The following TMEM150C variants were observed in gnomAD, a reference collection of about 807,000 sequenced individuals.
The protein encoded by TMEM150C is transmembrane protein 150C.
A neutral mutation model predicts 29.9 loss-of-function variants in TMEM150C; 10 were observed. The observed-to-expected ratio is 0.33, with a 90% confidence interval of 0.21 to 0.57. The LOEUF is 0.57. Among genes scored for constraint, TMEM150C ranks in the 20% least tolerant of loss-of-function variants. The probability of loss-of-function intolerance (pLI) is 0.88; values close to 1 mark genes in which losing one functional copy is unlikely to be tolerated. For synonymous variants in TMEM150C, 101 were observed against 112.5 expected (o/e 0.90, Z 0.64); for missense variants, 251 against 303.6 (o/e 0.83, Z 1.29).
intron 1 of TMEM150C, among the ~76,000 whole-genome samples, chr4:82,557,872 G>A (rs906587966): frequency 6.6e-6 from 1 of 151,814 alleles, no homozygotes; most frequent in Non-Finnish European, 1.5e-5. Context: ...GGGATTACAG[G>A]TACCTGCCAC....
chr4:82,522,907 G>T (rs1435183055), intron 1 of TMEM150C, among the ~76,000 whole-genome samples: 1 of 152,190 alleles, frequency 6.6e-6, no homozygotes, highest in Non-Finnish European at 1.5e-5. Flanking sequence ...GTGGAGAATA[G>T]AAACCCGACA....
chr4:82,497,466 T>C (rs2110066479), intron 5 of TMEM150C, among the ~76,000 whole-genome samples: 1 of 152,294 alleles, frequency 6.6e-6, no homozygotes, highest in South Asian at 2.1e-4. Context: ...ATTTCTCGAG[T>C]ATGTTAAATT....
chr4:82,524,192 C>T (rs963389825), intron 1 of TMEM150C, among the ~76,000 whole-genome samples: 4 of 151,552 alleles, frequency 2.6e-5, no homozygotes, highest in Admixed American at 6.6e-5. Context: ...GGCGTGAACC[C>T]GGGGGGCGGA....
intron 1 of TMEM150C, among the ~76,000 whole-genome samples, chr4:82,516,200 A>T (rs185201142): frequency 6.3e-4 from 96 of 152,302 alleles, no homozygotes; most frequent in African/African-American, 2.3e-3. Context: ...ATGGTAGAAC[A>T]CGAAGACTAA....
chr4:82,547,315 G>A (rs375123057), intron 1 of TMEM150C, among the ~76,000 whole-genome samples: 8 of 150,942 alleles, frequency 5.3e-5, no homozygotes, highest in Non-Finnish European at 8.8e-5. Context: ...TCAGCTGGGC[G>A]CAGTGGCTCA....
At chr4:82,510,543 A>C (rs994312449) in intron 1 of TMEM150C, among the ~76,000 whole-genome samples, 1 of 152,178 alleles carries the variant, frequency 6.6e-6, no homozygotes, top group African/African-American at 2.4e-5. Flanking sequence ...TTTCTTCATC[A>C]GCAAAGTGGA....
In TMEM150C at chr4:82,518,393, C is replaced by T. The variant is rs563136686; in HGVS notation, c.-10-13726G>A. The stretch of plus-strand genomic sequence containing the variant: ...GGCCTCTGGCCAGTGTGCCCCTCAG[C>T]GGCTCTCCAAAGGCTCCAGTGTTGC... On this transcript the variant is annotated intron_variant, in intron 1 of 7. Transcript: ENST00000449862. 4.6e-5 allele frequency among the ~76,000 whole-genome samples: 7 copies of T among 152,198 alleles called. No individual in the cohort carries two copies. The East Asian group carries it at 7.7e-4, about 17-fold the overall frequency.
intron 1 of TMEM150C, among the ~76,000 whole-genome samples, chr4:82,544,236 T>G (rs374347549): frequency 6.6e-6 from 1 of 152,184 alleles, no homozygotes; most frequent in East Asian, 1.9e-4. Context: ...ATACATGTAG[T>G]GTGAGCAGCT....
chr4:82,485,664 G>T lies in TMEM150C; in HGVS notation c.597C>A (p.Gly199=), dbSNP rs1392884138. 1 of 1,609,750 alleles carries T rather than the reference G, an allele frequency of 6.2e-7. No individual in the cohort carries two copies. Among genetic ancestry groups the T allele is most frequent in the African/African-American group, 1.3e-5 (1 of 74,870 alleles). The stretch of plus-strand genomic sequence containing the variant: ...AATAAGACAGGAAGCACATGACCAG[G>T]CCCCACTGGACCCTGGCTGCATACA... The part of the protein sequence containing the change: ...IHMYAARVQW[G]LVMCFLSYFG... The change falls in exon 8 of 8, where the codon GGC becomes GGA. Residue 199 remains glycine, a synonymous_variant. Transcript: ENST00000449862.
Position 82,515,828 on chromosome 4 carries a change from C to T in TMEM150C, c.-10-11161G>A, listed in dbSNP as rs536839967. 5.9e-5 allele frequency among the ~76,000 whole-genome samples: 9 copies of T among 151,910 alleles called. No individual in the cohort carries two copies. In the South Asian group the frequency reaches 1.9e-3, roughly 32 times the overall value. On this transcript the variant is annotated intron_variant, in intron 1 of 7. Transcript: ENST00000449862. Reference sequence around the variant, plus strand: ...ATCCCTAAGGCAAAAACAAACAAACCAAAAAACCAAATCTGTACGGCAGCC... The same window carrying T: ...ATCCCTAAGGCAAAAACAAACAAACTAAAAAACCAAATCTGTACGGCAGCC...
At chr4:82,490,508 T>G (rs139982926) in intron 6 of TMEM150C, among the ~76,000 whole-genome samples, 1,686 of 152,272 alleles carry the variant, frequency 0.011, 16 homozygotes, top group Admixed American at 0.023. Context: ...AAAGAAATGT[T>G]TCTACAAGCA....
At chr4:82,507,229 C>T (rs950911353) in intron 1 of TMEM150C, among the ~76,000 whole-genome samples, 6 of 152,152 alleles carry the variant, frequency 3.9e-5, no homozygotes, top group Admixed American at 3.9e-4. Flanking sequence ...ACTATTGTTA[C>T]AACAGATTGA....
At chr4:82,529,101 G>A (rs1368637170) in intron 1 of TMEM150C, among the ~76,000 whole-genome samples, 1 of 152,024 alleles carries the variant, frequency 6.6e-6, no homozygotes, top group African/African-American at 2.4e-5. Flanking sequence ...GGAAGGCAGG[G>A]GAGGAGAGCA....
chr4:82,497,786 C>A (rs1214035219), intron 5 of TMEM150C, among the ~76,000 whole-genome samples: 1 of 151,934 alleles, frequency 6.6e-6, no homozygotes. Context: ...AATAACAATC[C>A]TAGAGGATGA....
chr4:82,541,879 T>C (rs909708666), intron 1 of TMEM150C, among the ~76,000 whole-genome samples: 2 of 152,200 alleles, frequency 1.3e-5, no homozygotes, highest in African/African-American at 4.8e-5. Flanking sequence ...ATGGTTCCCA[T>C]AATAGTAACA....
chr4:82,552,549 G>A (rs1458464592), intron 1 of TMEM150C, among the ~76,000 whole-genome samples: 1 of 152,136 alleles, frequency 6.6e-6, no homozygotes, highest in African/African-American at 2.4e-5. Context: ...TGCCTGTGAT[G>A]ACCTGGTGGA....
chr4:82,493,293 G>A lies in TMEM150C; in HGVS notation c.363+2775C>T, dbSNP rs529565113. Among the ~76,000 whole-genome samples, 358 of 151,858 alleles carry A rather than the reference G, an allele frequency of 2.4e-3. 3 individuals carry two copies. Among genetic ancestry groups the A allele is most frequent in the African/African-American group, 7.9e-3 (329 of 41,420 alleles). On this transcript the variant is annotated intron_variant, in intron 6 of 7. Transcript: ENST00000449862. ...TATTTTCAAAATTATTTAAAATAAT[G>A]ATATCTGAAATCAAATTTTGCTTCT...
chr4:82,524,226 C>T (rs1202198631), intron 1 of TMEM150C, among the ~76,000 whole-genome samples: 3 of 151,626 alleles, frequency 2.0e-5, no homozygotes, highest in Non-Finnish European at 4.4e-5. Context: ...CGAGATCACG[C>T]GAAAAACAAA....
intron 1 of TMEM150C, among the ~76,000 whole-genome samples, chr4:82,524,242 AAC>A (rs1285170397): frequency 6.6e-6 from 1 of 152,120 alleles, no homozygotes; most frequent in South Asian, 2.1e-4. Context: ...ACAAAACAAA[AAC>A]AACACAGCAA....
Sources: gnomAD v4.1 joint callset for allele counts (sites outside exome capture counted in the v4.1 genomes callset) on GRCh38, gnomAD v4.1.1 for gene constraint, MANE v1.5 for transcripts, NCBI Gene and HGNC (gene_info 2026-07-23, HGNC 2026-07-21) for gene names.